CAMK2D: variants seen among roughly 807,000 people sequenced by gnomAD.
CAMK2D encodes the protein calcium/calmodulin dependent protein kinase II delta, also known as calcium/calmodulin-dependent protein kinase type II subunit delta.
A neutral mutation model predicts 84.0 loss-of-function variants in CAMK2D; 37 were observed. The observed-to-expected ratio is 0.44, with a 90% confidence interval of 0.34 to 0.58. The LOEUF (loss-of-function observed/expected upper bound fraction) is 0.58, where lower values mean the gene tolerates loss of function less well. CAMK2D is among the 20% of genes least tolerant of loss of function. The pLI is 0.02. For synonymous variants in CAMK2D, 202 were observed against 212.5 expected, an observed-to-expected ratio of 0.95 and a Z score of 0.43; for missense variants, 448 against 652.5, an observed-to-expected ratio of 0.69 and a Z score of 3.41.
At chr4:113,647,327 G>A (rs2099155977) in intron 3 of CAMK2D, among the ~76,000 whole-genome samples, 2 of 152,278 alleles carry the variant, frequency 1.3e-5, no homozygotes, top group African/African-American at 4.8e-5. Context: ...AATATAAATT[G>A]TTTCAAAAGC....
At chr4:113,462,817 C>G (rs2097404829) in intron 17 of CAMK2D, among the ~76,000 whole-genome samples, 1 of 150,950 alleles carries the variant, frequency 6.6e-6, no homozygotes, top group Non-Finnish European at 1.5e-5. Flanking sequence ...ACAAACACAA[C>G]TTTTTATCAT....
At position 113,547,643 on chromosome 4, in the gene CAMK2D, C is replaced by T; in HGVS notation, c.414+1G>A. The T allele has an allele frequency of 1.3e-6, 2 of 1,554,890 alleles. No individual in the cohort carries two copies. Among genetic ancestry groups the T allele is most frequent in the East Asian group, 2.3e-5 (1 of 43,370 alleles). On this transcript the variant is annotated splice_donor_variant, in intron 6 of 20. Transcript: ENST00000511664. LOFTEE classifies it high-confidence loss of function. ...TTATCTTCTTCAACCGCATTACTCA[C>T]CTTCAGGTCCCGATGGACCACGCCC...
intron 2 of CAMK2D, among the ~76,000 whole-genome samples, chr4:113,709,205 C>CCCAAT (rs1561965383): frequency 3.1e-5 from 2 of 65,022 alleles, no homozygotes; most frequent in African/African-American, 2.4e-4. Context: ...TCAAAATCAT[C>CCCAAT]TCTTGAGTAT....
rs138807788 is a variant in CAMK2D at position 113,726,729 on chromosome 4, T to C, written c.160+32591A>G. Among the ~76,000 whole-genome samples, 526 of 152,168 alleles carry C rather than the reference T, an allele frequency of 3.5e-3. 3 individuals are homozygous for C. Among genetic ancestry groups the C allele is most frequent in the African/African-American group, 0.012 (490 of 41,516 alleles). On this transcript the variant is annotated intron_variant, in intron 2 of 20. Transcript: ENST00000511664. ...CCACGACTGCTTGCTTTTTATGTGA[T>C]GTTTTATGAGAATACTAGTGATCAC...
chr4:113,557,481 G>A (rs564708634), intron 4 of CAMK2D, among the ~76,000 whole-genome samples: 60 of 152,182 alleles, frequency 3.9e-4, no homozygotes, highest in African/African-American at 1.2e-3. Flanking sequence ...TCTCTCTTCC[G>A]GGAATTCCCA....
In CAMK2D at chr4:113,500,731, G is replaced by A. The variant is rs112028039; in HGVS notation, c.1087-220C>T. ...GGAGTACTCTGGTTGCCTAATCTCC[G>A]AAGCTGTATAAATCCAGGTGATTTG... On this transcript the variant is annotated intron_variant, in intron 15 of 20. Coordinates refer to ENST00000511664, the MANE Select transcript of CAMK2D (RefSeq NM_001321571.2). Among the ~76,000 whole-genome samples, 41 of 152,138 alleles carry A rather than the reference G, an allele frequency of 2.7e-4. 1 individual carries two copies. Among genetic ancestry groups the A allele is most frequent in the African/African-American group, 6.7e-4 (28 of 41,534 alleles).
At chr4:113,562,948 C>T (rs1256299750) in intron 4 of CAMK2D, among the ~76,000 whole-genome samples, 1 of 152,110 alleles carries the variant, frequency 6.6e-6, no homozygotes, top group East Asian at 1.9e-4. Context: ...TAATCTTTAG[C>T]TGTGGACTTA....
chr4:113,754,269 C>G (rs1404017620), intron 2 of CAMK2D: 2 of 977,102 alleles, frequency 2.0e-6, no homozygotes, highest in Non-Finnish European at 2.4e-6. Context: ...ATGGGGAAGA[C>G]TGATGTTAAA....
intron 2 of CAMK2D, among the ~76,000 whole-genome samples, chr4:113,666,194 C>T (rs887523775): frequency 1.3e-5 from 2 of 152,136 alleles, no homozygotes; most frequent in African/African-American, 4.8e-5. Flanking sequence ...CATAAAGCAA[C>T]AATATATCTA....
intron 16 of CAMK2D, among the ~76,000 whole-genome samples, chr4:113,474,675 T>G (rs2097583966): frequency 6.6e-6 from 1 of 152,016 alleles, no homozygotes; most frequent in African/African-American, 2.4e-5. Flanking sequence ...AGAAGAAGTT[T>G]TGCTCTTGTC....
At chr4:113,536,506 T>C (rs1560792630) in intron 7 of CAMK2D, among the ~76,000 whole-genome samples, 1 of 152,046 alleles carries the variant, frequency 6.6e-6, no homozygotes, top group Non-Finnish European at 1.5e-5. Flanking sequence ...CAGAGGAAAA[T>C]AAATCAGAAA....
intron 8 of CAMK2D, among the ~76,000 whole-genome samples, chr4:113,526,553 CT>C (rs2098419435): frequency 1.3e-5 from 2 of 152,082 alleles, no homozygotes; most frequent in Admixed American, 1.3e-4. Flanking sequence ...TCTACCTATC[CT>C]TTTTCCCTCT....
At chr4:113,541,783 T>G (rs1287244900) in intron 6 of CAMK2D, among the ~76,000 whole-genome samples, 1 of 152,194 alleles carries the variant, frequency 6.6e-6, no homozygotes, top group African/African-American at 2.4e-5. Context: ...GCATGTTTTC[T>G]GTCACTTATC....
intron 4 of CAMK2D, among the ~76,000 whole-genome samples, chr4:113,558,551 T>C (rs896313209): frequency 1.3e-5 from 2 of 152,216 alleles, no homozygotes; most frequent in Non-Finnish European, 2.9e-5. Flanking sequence ...TACAGTATTA[T>C]GCCATTTTAT....
At chr4:113,620,385 G>A (rs2099040500) in intron 3 of CAMK2D, among the ~76,000 whole-genome samples, 1 of 152,094 alleles carries the variant, frequency 6.6e-6, no homozygotes, top group Non-Finnish European at 1.5e-5. Context: ...TACAATTAAA[G>A]GGAAAAAGAA....
chr4:113,738,545 GTTA>G lies in CAMK2D; in HGVS notation c.160+20772_160+20774del, dbSNP rs1190168236. ...GAATGCAAAAAAATATTTTTAATGT[GTTA>G]TTATCCTCTTTAGTGGACTCTGGCA... is the stretch of plus-strand genomic sequence containing the variant. On this transcript the variant is annotated intron_variant, in intron 2 of 20. Transcript: ENST00000511664. Among the ~76,000 whole-genome samples, 3 of 152,146 alleles carry G rather than the reference GTTA, an allele frequency of 2.0e-5. No individual in the cohort carries two copies. The East Asian group carries it at 5.8e-4, about 29-fold the overall frequency.
At chr4:113,743,709 T>C (rs1428105093) in intron 2 of CAMK2D, among the ~76,000 whole-genome samples, 3 of 152,220 alleles carry the variant, frequency 2.0e-5, no homozygotes, top group Non-Finnish European at 4.4e-5. Flanking sequence ...CTTTGCATTA[T>C]CAGTCCTTCT....
In CAMK2D at chr4:113,761,013, T is replaced by G. The variant is rs757024590; in HGVS notation, c.56A>C (p.Glu19Ala). The G allele has an allele frequency of 6.2e-7, 1 of 1,614,098 alleles. No homozygotes were observed. The highest frequency in any genetic ancestry group is 1.1e-5 in the South Asian group (1 of 91,080). The change falls in exon 1 of 21, where the codon GAG becomes GCG. Residue 19 changes from glutamate (E) to alanine (A), a missense_variant. Transcript: ENST00000511664. ...RFTDEYQLFE[E>A]LGKGAFSVVR... ...GGGCAAAGGTGCTTACTTTCCAAGCTCCTCGAAAAGCTGATACTCGTCCGT... is the reference window on the plus strand; with the variant it reads ...GGGCAAAGGTGCTTACTTTCCAAGCGCCTCGAAAAGCTGATACTCGTCCGT...
intron 4 of CAMK2D, among the ~76,000 whole-genome samples, chr4:113,608,205 A>G (rs935039647): frequency 2.0e-5 from 3 of 152,246 alleles, no homozygotes; most frequent in African/African-American, 7.2e-5. Context: ...AAAAACAGAC[A>G]GATGGAAAGA....
Sources: gnomAD v4.1 joint callset for allele counts (sites outside exome capture counted in the v4.1 genomes callset) on GRCh38, gnomAD v4.1.1 for gene constraint, MANE v1.5 for transcripts, NCBI Gene and HGNC (gene_info 2026-07-23, HGNC 2026-07-21) for gene names.